Variants in ITGB4 observed in about 807,000 individuals in gnomAD.
The protein encoded by ITGB4 is integrin subunit beta 4, also known as integrin beta-4.
ITGB4 carries 159 observed loss-of-function variants against 207.6 expected under a neutral mutation model. That is an observed-to-expected ratio of 0.77 (90% CI 0.67 to 0.87). ITGB4 has a LOEUF of 0.87. ITGB4 is among the 40% of genes least tolerant of loss of function. ITGB4 has a pLI of 0.00. For missense variants in ITGB4, 2,278 were observed against 2,546.8 expected (o/e 0.89, Z 2.27); for synonymous variants, 1,020 against 1,062.7 (o/e 0.96, Z 0.78).
chr17:75,732,021 C>T lies in ITGB4; in HGVS notation c.1377+48C>T. 6.2e-7 allele frequency: 1 copy of T among 1,613,306 alleles called. No homozygotes were observed. Among genetic ancestry groups the T allele is most frequent in the Non-Finnish European group, 8.5e-7 (1 of 1,179,586 alleles). On this transcript the variant is annotated intron_variant, in intron 11 of 39. Coordinates refer to ENST00000200181, the MANE Select transcript of ITGB4 (RefSeq NM_000213.5). The surrounding 1 kb of genome is among the most constrained non-coding windows in gnomAD (Gnocchi z 5.3). ...GGGAGGGGAGAGCTGAGCCAAGCAC[C>T]CAGGGACCCTGAGGAATGAAGCAGG...
At chr17:75,749,421 C>T (rs926062426) in intron 27 of ITGB4, among the ~76,000 whole-genome samples, 6 of 151,792 alleles carry the variant, frequency 4.0e-5, no homozygotes, top group Admixed American at 6.6e-5. Flanking sequence ...CCAGCTATTC[C>T]GGAGACTGAG....
intron 12 of ITGB4, among the ~76,000 whole-genome samples, chr17:75,733,127 G>A (rs1451559824): frequency 1.3e-5 from 2 of 149,906 alleles, no homozygotes; most frequent in South Asian, 2.1e-4. Flanking sequence ...GGTGGCTTAC[G>A]CCTGTAATTT....
chr17:75,752,163 C>A lies in ITGB4; in HGVS notation c.3794-11C>A. On this transcript the variant is annotated splice_polypyrimidine_tract_variant and intron_variant, in intron 30 of 39. Transcript: ENST00000200181. ...CCTGGGTGACCCTCTGAAGCACTCTCTCTGCCCCAGGACCTATTGGGCCCA... is the reference window on the plus strand; with the variant it reads ...CCTGGGTGACCCTCTGAAGCACTCTATCTGCCCCAGGACCTATTGGGCCCA... 1.2e-6 allele frequency: 2 copies of A among 1,613,884 alleles called. No individual in the cohort carries two copies. The highest frequency in any genetic ancestry group is 1.1e-5 in the South Asian group (1 of 91,070).
intron 32 of ITGB4, among the ~76,000 whole-genome samples, chr17:75,753,171 C>T (rs2061406978): frequency 1.3e-5 from 2 of 152,218 alleles, no homozygotes; most frequent in African/African-American, 2.4e-5. Flanking sequence ...CTCTGGGGCA[C>T]GTATATCTTT....
chr17:75,728,847 G>C (rs191056165), intron 6 of ITGB4, among the ~76,000 whole-genome samples: 193 of 152,212 alleles, frequency 1.3e-3, no homozygotes, highest in African/African-American at 3.7e-3. Context: ...AGCCAGGCGT[G>C]ATGGTGGGCA....
In ITGB4 at chr17:75,755,196, C is replaced by T. The variant is rs142258384; in HGVS notation, c.4558+381C>T. On this transcript the variant is annotated intron_variant, in intron 34 of 39. Transcript: ENST00000200181. ...ATAATCCTGGCTGGGAGGCCAGCAG[C>T]GCCCTCCTGGGGCCCAGGTAGTACA... 1.6e-5 allele frequency: 25 copies of T among 1,604,666 alleles called. No individual in the cohort carries two copies. The East Asian group carries it at 1.8e-4, about 12-fold the overall frequency.
Position 75,730,505 on chromosome 17 carries a change from G to T in ITGB4, c.1002+1G>T. 1 of 1,613,646 alleles carries T rather than the reference G, an allele frequency of 6.2e-7. No individual in the cohort carries two copies. Among genetic ancestry groups the T allele is most frequent in the Admixed American group, 1.7e-5 (1 of 60,024 alleles). ...CAACTACTCCTATAGCTACTACGAG[G>T]TGCGGGGCCCAGGTCCCACGGGTGG... is the stretch of plus-strand genomic sequence containing the variant. On this transcript the variant is annotated splice_donor_variant, in intron 8 of 39. Transcript: ENST00000200181. LOFTEE classifies it high-confidence loss of function.
Position 75,752,440 on chromosome 17 carries a change from C to T in ITGB4, c.3977-6C>T, listed in dbSNP as rs1443680697. 3 of 1,613,250 alleles carry T rather than the reference C, an allele frequency of 1.9e-6. No individual in the cohort carries two copies. The highest frequency in any genetic ancestry group is 4.5e-5 in the East Asian group (2 of 44,874). ...CAGGGCCCTGGCTCACTCCCCTGCC[C>T]TGCAGTCCCCATCATCCCTGACATC... On this transcript the variant is annotated splice_polypyrimidine_tract_variant and splice_region_variant and intron_variant, in intron 31 of 39. Coordinates refer to ENST00000200181, the MANE Select transcript of ITGB4 (RefSeq NM_000213.5).
In ITGB4 at chr17:75,727,845, G is replaced by A; in HGVS notation, c.459G>A (p.Gly153=). Residue 153 remains glycine, a synonymous_variant, in exon 5 of 40, where the codon GGG becomes GGA. Transcript: ENST00000200181. This position sits in a 1 kb window ranked among gnomAD's most constrained non-coding sequence, Gnocchi z 6.0. The stretch of plus-strand genomic sequence containing the variant: ...ATCTGGACAACCTCAAGAAGATGGG[G>A]CAGAACCTGGGTACGGCAGGGCCAG... ...SDDLDNLKKM[G]QNLARVLSQL... 1 of 1,613,762 alleles carries A rather than the reference G, an allele frequency of 6.2e-7. No homozygotes were observed. The highest frequency in any genetic ancestry group is 1.1e-5 in the South Asian group (1 of 91,058).
rs746427561 is a variant in ITGB4 at position 75,752,252 on chromosome 17, C to T, written c.3872C>T (p.Ser1291Phe). Residue 1291 changes from serine (S) to phenylalanine (F), a missense_variant, in exon 31 of 40, where the codon TCC becomes TTC. Transcript: ENST00000200181. ...RMLLIENLRE[S>F]QPYRYTVKAR... ...CTGCTTATTGAGAACCTTCGGGAGT[C>T]CCAGCCCTACCGCTACACGGTGAAG... 1.9e-6 allele frequency: 3 copies of T among 1,613,616 alleles called. No homozygotes were observed. In the Admixed American group the frequency reaches 5.0e-5, roughly 27 times the overall value.
chr17:75,757,686 G>A lies in ITGB4; in HGVS notation c.*131G>A, dbSNP rs1180305597. 2.3e-6 allele frequency: 3 copies of A among 1,300,998 alleles called. No individual in the cohort carries two copies. The highest frequency in any genetic ancestry group is 4.7e-5 in the East Asian group (2 of 42,162). 80.6% of individuals were successfully genotyped at this position (1,300,998 alleles called of 1,614,324 possible). A position where few individuals can be genotyped will look rare whatever the true frequency, so the allele number is the denominator to read the frequency against. ...CCCGCATGCACAGAGCAGGGGCTAG[G>A]TGTCTCCTGGGAGGCATGAAGGGGG... On this transcript the variant is annotated 3_prime_UTR_variant, in exon 40 of 40. Coordinates refer to ENST00000200181, the MANE Select transcript of ITGB4 (RefSeq NM_000213.5).
chr17:75,752,476 A>ACGCC lies in ITGB4; in HGVS notation c.4009_4012dup (p.Gln1338ArgfsTer16). 1.2e-6 allele frequency: 2 copies of ACGCC among 1,613,590 alleles called. No individual in the cohort carries two copies. Among genetic ancestry groups the ACGCC allele is most frequent in the Non-Finnish European group, 1.7e-6 (2 of 1,180,016 alleles). On this transcript the variant is annotated frameshift_variant, in exon 32 of 40. Coordinates refer to ENST00000200181, the MANE Select transcript of ITGB4 (RefSeq NM_000213.5). LOFTEE classifies it high-confidence loss of function. ...ATCATCCCTGACATCCCTATCGTGG[A>ACGCC]CGCCCAGAGCGGGGAGGACTACGAC...
At chr17:75,743,943 A>G (rs909301964) in intron 26 of ITGB4, 82 bp downstream of exon 26, 1 of 1,424,798 alleles carries the variant, frequency 7.0e-7, no homozygotes, top group Non-Finnish European at 9.5e-7. Flanking sequence ...AAAGCAGCAC[A>G]TGGCAGCTGC....
Position 75,742,540 on chromosome 17 carries a change from G to GC in ITGB4, c.2783-39dup, listed in dbSNP as rs1394416030. 1 of 1,613,526 alleles carries GC rather than the reference G, an allele frequency of 6.2e-7. No individual in the cohort carries two copies. The highest frequency in any genetic ancestry group is 2.2e-5 in the East Asian group (1 of 44,874). On this transcript the variant is annotated intron_variant, in intron 24 of 39. Coordinates refer to ENST00000200181, the MANE Select transcript of ITGB4 (RefSeq NM_000213.5). This position sits in a 1 kb window ranked among gnomAD's most constrained non-coding sequence, Gnocchi z 5.9. ...CTGCCTCGCACCTCCCGCCTGTGTG[G>GC]CCCTGTGACCCACCTCTGACCACCT...
intron 36 of ITGB4, 32 bp downstream of exon 36, chr17:75,756,649 C>T (rs1323367172): frequency 2.5e-6 from 4 of 1,612,900 alleles, no homozygotes; most frequent in African/African-American, 1.3e-5. Context: ...CAGAGCTGCC[C>T]CCATCATGCC....
At chr17:75,743,633 C>T (rs1018917287) in intron 25 of ITGB4, 80 bp from the exon 26 acceptor site, 2 of 1,596,600 alleles carry the variant, frequency 1.3e-6, no homozygotes, top group South Asian at 1.1e-5. Context: ...CTGGGCTGGG[C>T]TGGGCAGGGT....
chr17:75,742,948 C>T lies in ITGB4; in HGVS notation c.2962+187C>T, dbSNP rs1488579822. On this transcript the variant is annotated intron_variant, in intron 25 of 39. Transcript: ENST00000200181. This position sits in a 1 kb window ranked among gnomAD's most constrained non-coding sequence, Gnocchi z 5.9. ...CGGAATGCGTGGCTGTTCACCTCGCCACAGTGCCTGCCTGGTGGTGAGCGC... is the reference window on the plus strand; with the variant it reads ...CGGAATGCGTGGCTGTTCACCTCGCTACAGTGCCTGCCTGGTGGTGAGCGC... Among the ~76,000 whole-genome samples the T allele has an allele frequency of 6.6e-6, 1 of 152,196 alleles. No individual in the cohort carries two copies. The highest frequency in any genetic ancestry group is 1.9e-4 in the East Asian group (1 of 5,188).
chr17:75,751,945 C>A, intron 30 of ITGB4: 1 of 608,848 alleles, frequency 1.6e-6, no homozygotes, highest in African/African-American at 1.8e-5. Flanking sequence ...AGCCCTGGCT[C>A]TGCCACTTAC....
chr17:75,729,145 C>A lies in ITGB4; in HGVS notation c.567-120C>A. 1.1e-6 allele frequency: 1 copy of A among 885,392 alleles called. No homozygotes were observed. The highest frequency in any genetic ancestry group is 1.7e-6 in the Non-Finnish European group (1 of 603,214). The allele number at this position is 885,392 out of a possible 1,614,324, so 54.8% of individuals were successfully genotyped here. On this transcript the variant is annotated intron_variant, in intron 6 of 39. Transcript: ENST00000200181. The surrounding 1 kb of genome is among the most constrained non-coding windows in gnomAD (Gnocchi z 4.4). ...CCGCACACCAGCCTGGGTGATAAAG[C>A]GAGACTTGGTCTCAAAAAAAAAAAA...
Sources: gnomAD v4.1 joint callset for allele counts (sites outside exome capture counted in the v4.1 genomes callset) on GRCh38, gnomAD v4.1.1 for gene constraint, Gnocchi (gnomAD v3.1) non-coding constraint, MANE v1.5 for transcripts, NCBI Gene and HGNC (gene_info 2026-07-23, HGNC 2026-07-21) for gene names.